SFXN4: variants seen among roughly 807,000 people sequenced by gnomAD.
SFXN4 encodes sideroflexin-4.
In SFXN4, 48 loss-of-function variants were observed where a neutral mutation model predicts 54.6. The observed-to-expected ratio is 0.88, with a 90% confidence interval of 0.70 to 1.12. The LOEUF (loss-of-function observed/expected upper bound fraction) is 1.12, where lower values mean the gene tolerates loss of function less well. SFXN4 is among the 50% of genes most tolerant of loss of function. SFXN4 has a pLI of 0.00. For synonymous variants in SFXN4, 130 were observed against 145.5 expected, an observed-to-expected ratio of 0.89 and a Z score of 0.77; for missense variants, 383 against 409.2, an observed-to-expected ratio of 0.94 and a Z score of 0.55.
intron 11 of SFXN4, among the ~76,000 whole-genome samples, chr10:119,149,837 T>G (rs1394347694): frequency 3.3e-5 from 5 of 152,362 alleles, no homozygotes; most frequent in African/African-American, 1.2e-4. Flanking sequence ...GTTAGTGTGC[T>G]GTGTGTCCAC....
intron 1 of SFXN4, 70 bp from the exon 2 acceptor site, chr10:119,164,266 GGC>G: frequency 1.5e-6 from 1 of 676,876 alleles, no homozygotes. Context: ...ACTAACAGTT[GGC>G]TTTTTTTTTT....
Position 119,147,666 on chromosome 10 carries a change from A to G in SFXN4, c.818+109T>C, listed in dbSNP as rs1010000053. On this transcript the variant is annotated intron_variant, in intron 12 of 13. Coordinates refer to ENST00000355697, the MANE Select transcript of SFXN4 (RefSeq NM_213649.2). ...TTAGCTGTGATGTGTGTTTATGGGA[A>G]GGTTACTGAGCCAACTTCTCCCCAC... 3.6e-6 allele frequency: 3 copies of G among 822,156 alleles called. No homozygotes were observed. In the African/African-American group the frequency reaches 5.1e-5, roughly 14 times the overall value. The allele number at this position is 822,156 out of a possible 1,614,324, so 50.9% of individuals were successfully genotyped here. A position where few individuals can be genotyped will look rare whatever the true frequency, so the allele number is the denominator to read the frequency against.
At chr10:119,150,006 G>A (rs763765878) in intron 11 of SFXN4, among the ~76,000 whole-genome samples, 10 of 152,304 alleles carry the variant, frequency 6.6e-5, no homozygotes, top group African/African-American at 1.7e-4. Context: ...TGGACCAACC[G>A]TGCCCTGTTA....
At chr10:119,144,405 C>A (rs7081345) in intron 13 of SFXN4, among the ~76,000 whole-genome samples, 7 of 151,720 alleles carry the variant, frequency 4.6e-5, no homozygotes, top group African/African-American at 1.7e-4. Flanking sequence ...TGCAGTGAGC[C>A]GAGATTGCGC....
At chr10:119,152,403 C>T (rs142384248) in intron 11 of SFXN4, among the ~76,000 whole-genome samples, 31 of 152,000 alleles carry the variant, frequency 2.0e-4, no homozygotes, top group African/African-American at 7.5e-4. Flanking sequence ...CCTCAGCCTC[C>T]CGAGTAGCTG....
Position 119,162,411 on chromosome 10 carries a change from T to C in SFXN4, c.181A>G (p.Ser61Gly). 6.2e-7 allele frequency: 1 copy of C among 1,613,100 alleles called. No homozygotes were observed. The highest frequency in any genetic ancestry group is 2.2e-5 in the East Asian group (1 of 44,882). Residue 61 changes from serine (S) to glycine (G), a missense_variant, in exon 3 of 14, where the codon AGT (serine) becomes GGT (glycine). Physicochemically the swap from Ser to Gly is moderately conservative, Grantham distance 56. Transcript: ENST00000355697. ...DPTNVFISVE[S>G]IENSRQLLCT... ...AATAGTTGCCTCGAGTTTTCTATAC[T>C]TTCCTAAAATCAGATATCAAGTAAT... is the stretch of plus-strand genomic sequence containing the variant.
chr10:119,147,029 C>G (rs1019748831), intron 12 of SFXN4, among the ~76,000 whole-genome samples: 1 of 152,204 alleles, frequency 6.6e-6, no homozygotes, highest in Admixed American at 6.5e-5. Flanking sequence ...TTCCTGCCTC[C>G]CCTGGGGTTT....
At chr10:119,156,640 C>T (rs1156961887) in intron 10 of SFXN4, 38 bp downstream of exon 10, 2 of 1,505,842 alleles carry the variant, frequency 1.3e-6, no homozygotes, top group South Asian at 1.2e-5. Context: ...CACAAAGACA[C>T]CCCACCCAGA....
chr10:119,148,227 C>T (rs898690476), intron 11 of SFXN4, among the ~76,000 whole-genome samples: 13 of 151,970 alleles, frequency 8.6e-5, no homozygotes, highest in Non-Finnish European at 1.8e-4. Context: ...ACAACTCCTG[C>T]GAGAGACAGG....
intron 10 of SFXN4, 29 bp from the exon 11 acceptor site, chr10:119,155,206 C>G (rs769305150): frequency 1.6e-5 from 23 of 1,478,762 alleles, no homozygotes; most frequent in Non-Finnish European, 2.1e-5. Context: ...AAAGAACACC[C>G]AAGACGGGGG....
Position 119,146,233 on chromosome 10 carries a change from T to TA in SFXN4, c.936+2dup. On this transcript the variant is annotated splice_region_variant and intron_variant, in intron 13 of 13. Transcript: ENST00000355697. Reference sequence around the variant, plus strand: ...GAGAGAAAAGAGGAATGGGGGCACTTACCTGTCCAATCTGTGGAAATATAC... The same window carrying TA: ...GAGAGAAAAGAGGAATGGGGGCACTTAACCTGTCCAATCTGTGGAAATATAC... The TA allele has an allele frequency of 6.5e-7, 1 of 1,540,910 alleles. No individual in the cohort carries two copies.
At chr10:119,141,926 G>A (rs1485135435) in intron 13 of SFXN4, among the ~76,000 whole-genome samples, 1 of 152,074 alleles carries the variant, frequency 6.6e-6, no homozygotes, top group African/African-American at 2.4e-5. Flanking sequence ...GCTGAGGCAC[G>A]AGAATCACTT....
Position 119,150,316 on chromosome 10 carries a change from C to G in SFXN4, c.733-2456G>C, listed in dbSNP as rs552420964. 3.9e-5 allele frequency among the ~76,000 whole-genome samples: 6 copies of G among 152,176 alleles called. No individual in the cohort carries two copies. The East Asian group carries it at 1.2e-3, about 29-fold the overall frequency. ...CTGGGGAGACGGGGCTCTCACTGAT[C>G]AGGGTGTGGGTCTCCAGAGCCTAGC... On this transcript the variant is annotated intron_variant, in intron 11 of 13. Transcript: ENST00000355697.
chr10:119,157,669 C>G lies in SFXN4; in HGVS notation c.536G>C (p.Gly179Ala). ...AGAVASSTFL[G>A]VIPQFVQMKY... ...TTGACAGATTCTAAAAATACCTACT[C>G]CTAAGAAAGTTGAAGAAGCAACGGC... The change falls in exon 9 of 14, where the codon GGA becomes GCA. Residue 179 changes from glycine (G) to alanine (A), a missense_variant and splice_region_variant. Physicochemically the swap from Gly to Ala is moderately conservative, Grantham distance 60. Coordinates refer to ENST00000355697, the MANE Select transcript of SFXN4 (RefSeq NM_213649.2). The G allele has an allele frequency of 6.2e-7, 1 of 1,600,316 alleles. No homozygotes were observed. The highest frequency in any genetic ancestry group is 1.1e-5 in the South Asian group (1 of 87,882).
intron 11 of SFXN4, among the ~76,000 whole-genome samples, chr10:119,153,227 A>T (rs1243489729): frequency 6.6e-6 from 1 of 151,986 alleles, no homozygotes; most frequent in Non-Finnish European, 1.5e-5. Context: ...ACTGGGCAAC[A>T]TGGCGAAACC....
chr10:119,157,870 CG>C lies in SFXN4; in HGVS notation c.471del (p.Tyr157Ter). On this transcript the variant is annotated frameshift_variant and splice_region_variant, in exon 8 of 14. Coordinates refer to ENST00000355697, the MANE Select transcript of SFXN4 (RefSeq NM_213649.2). LOFTEE classifies it high-confidence loss of function. Reference protein sequence around the residue: ...AFNSINGNRSYTCKPLERSLL... With the variant: ...AFNSINGNRSXTCKPLERSLL... ...CACTCTCTGGGTCTCATAATACTCA[CG>C]TAACTTCTGTTTCCATTGATGCTGT... 1.9e-6 allele frequency: 3 copies of C among 1,614,176 alleles called. No individual in the cohort carries two copies. Among genetic ancestry groups the C allele is most frequent in the South Asian group, 2.2e-5 (2 of 91,086 alleles).
intron 2 of SFXN4, 43 bp downstream of exon 2, chr10:119,164,088 A>G: frequency 7.9e-7 from 1 of 1,260,656 alleles, no homozygotes; most frequent in African/African-American, 1.5e-5. Context: ...TTCAAGTTTC[A>G]AAATAAAATG....
chr10:119,165,005 T>C (rs1847709260), intron 1 of SFXN4, among the ~76,000 whole-genome samples: 1 of 115,734 alleles, frequency 8.6e-6, no homozygotes, highest in Admixed American at 9.8e-5. Flanking sequence ...AAATGTACTG[T>C]ATTGTTAAAA....
chr10:119,149,420 C>A (rs574541535), intron 11 of SFXN4, among the ~76,000 whole-genome samples: 33 of 152,184 alleles, frequency 2.2e-4, no homozygotes, highest in Non-Finnish European at 2.4e-4. Context: ...TTCCCCCCCA[C>A]AAAAGAGAGG....
Sources: allele counts gnomAD v4.1 joint callset (sites outside exome capture counted in the v4.1 genomes callset), GRCh38; gene constraint gnomAD v4.1.1; transcripts MANE v1.5; gene names NCBI Gene and HGNC (gene_info 2026-07-23, HGNC 2026-07-21).